ABCC2: variants seen among roughly 807,000 people sequenced by gnomAD.
ABCC2 encodes the protein ATP-binding cassette sub-family C member 2.
ABCC2 carries 157 observed loss-of-function variants against 173.4 expected under a neutral mutation model. The ratio of observed to expected loss-of-function variants is 0.91; its 90% CI spans 0.80 to 1.03. ABCC2 has a LOEUF of 1.03. Ranked by LOEUF, ABCC2 falls within the 50% of genes least tolerant of loss-of-function variation. The pLI, the probability that ABCC2 is intolerant of heterozygous loss-of-function variation, is 0.00. For synonymous variants in ABCC2, 657 were observed against 693.5 expected (o/e 0.95, Z 0.83); for missense variants, 1,822 against 1,852.3 (o/e 0.98, Z 0.30).
chr10:99,846,957 G>C lies in ABCC2; in HGVS notation c.4147-4G>C. On this transcript the variant is annotated splice_region_variant and splice_polypyrimidine_tract_variant and intron_variant, in intron 29 of 31. Coordinates refer to ENST00000647814, the MANE Select transcript of ABCC2 (RefSeq NM_000392.5). ...CAACAGCCCCCTTGTCCTTTCACTT[G>C]CAGGACCCCATCCTGTTCTCTGGAA... 6.2e-7 allele frequency: 1 copy of C among 1,614,068 alleles called. No homozygotes were observed. The highest frequency in any genetic ancestry group is 8.5e-7 in the Non-Finnish European group (1 of 1,179,990).
intron 19 of ABCC2, among the ~76,000 whole-genome samples, chr10:99,820,200 T>A (rs1488155183): frequency 1.3e-5 from 2 of 152,088 alleles, no homozygotes; most frequent in Non-Finnish European, 2.9e-5. Flanking sequence ...GAGGCCAGCC[T>A]GACCAACATG....
intron 25 of ABCC2, among the ~76,000 whole-genome samples, chr10:99,840,771 T>C (rs1222310804): frequency 6.6e-6 from 1 of 152,230 alleles, no homozygotes; most frequent in Non-Finnish European, 1.5e-5. Context: ...CGCCTCAGCC[T>C]CCCAAAGCGC....
chr10:99,849,400 A>G (rs902845641), intron 30 of ABCC2, among the ~76,000 whole-genome samples: 1 of 152,180 alleles, frequency 6.6e-6, no homozygotes, highest in African/African-American at 2.4e-5. Context: ...GGTAGGGTAC[A>G]ATGGGAGGCC....
chr10:99,847,993 TACACA>T (rs1380098727), intron 30 of ABCC2, among the ~76,000 whole-genome samples: 3 of 152,220 alleles, frequency 2.0e-5, no homozygotes, highest in Non-Finnish European at 4.4e-5. Flanking sequence ...AATGTGAGCT[TACACA>T]TCCCACAGAA....
At chr10:99,827,578 T>C (rs937743821) in intron 19 of ABCC2, among the ~76,000 whole-genome samples, 2 of 152,212 alleles carry the variant, frequency 1.3e-5, no homozygotes, top group East Asian at 3.9e-4. Context: ...TTCCATACTA[T>C]AAGTGGAATG....
chr10:99,825,986 G>A lies in ABCC2; in HGVS notation c.2621-4321G>A, dbSNP rs1487294687. 4.9e-4 allele frequency among the ~76,000 whole-genome samples: 75 copies of A among 152,222 alleles called. 2 individuals are homozygous for A. The highest frequency in any genetic ancestry group is 1.5e-5 in the Non-Finnish European group (1 of 68,016). On this transcript the variant is annotated intron_variant, in intron 19 of 31. Transcript: ENST00000647814. ...GTGGGGCCTGAGGCTGGCCCCTTTG[G>A]TCGTTTCCCGACAATGGTTGCCCAT...
In ABCC2 at chr10:99,831,819, G is replaced by A; in HGVS notation, c.3092G>A (p.Gly1031Glu). Residue 1031 changes from glycine to glutamate, a missense_variant, in exon 22 of 32, where the codon GGA becomes GAA. Coordinates refer to ENST00000647814, the MANE Select transcript of ABCC2 (RefSeq NM_000392.5). ...DMRVGVYGALGLAQGIFVFIA... is the reference protein window; with the variant it reads ...DMRVGVYGALELAQGIFVFIA... ...AGAGTTGGAGTCTACGGAGCTCTGG[G>A]ATTAGCCCAAGGTATGTCTGATGGC... 2 of 1,614,166 alleles carry A rather than the reference G, an allele frequency of 1.2e-6. No individual in the cohort carries two copies. The highest frequency in any genetic ancestry group is 1.7e-6 in the Non-Finnish European group (2 of 1,180,022).
chr10:99,817,591 T>C, intron 17 of ABCC2, 107 bp downstream of exon 17: 2 of 1,244,020 alleles, frequency 1.6e-6, no homozygotes, highest in Admixed American at 3.8e-5. Flanking sequence ...TTAATTTAGG[T>C]AGTCATATTT....
At position 99,793,801 on chromosome 10, in the gene ABCC2, A is replaced by G. The variant is rs2037848877; in HGVS notation, c.469-91A>G. 7 of 1,568,864 alleles carry G rather than the reference A, an allele frequency of 4.5e-6. No individual in the cohort carries two copies. The East Asian group carries it at 1.6e-4, about 35-fold the overall frequency. ...AATTGTATTAGAGGGATTTGATCAT[A>G]GGCTTTAATCACAAGCATTGATATA... On this transcript the variant is annotated intron_variant, in intron 4 of 31. Coordinates refer to ENST00000647814, the MANE Select transcript of ABCC2 (RefSeq NM_000392.5).
At chr10:99,809,854 T>C (rs1438390164) in intron 13 of ABCC2, among the ~76,000 whole-genome samples, 1 of 152,200 alleles carries the variant, frequency 6.6e-6, no homozygotes, top group Non-Finnish European at 1.5e-5. Flanking sequence ...TAGAAGTTAA[T>C]TTTTTGTCTT....
At chr10:99,784,499 T>C (rs1184340958) in intron 1 of ABCC2, 109 bp from the exon 2 acceptor site, 1 of 1,157,204 alleles carries the variant, frequency 8.6e-7, no homozygotes, top group Non-Finnish European at 1.3e-6. Flanking sequence ...AGGCTGGATA[T>C]GGATATGGAG....
At position 99,834,289 on chromosome 10, in the gene ABCC2, A is replaced by G. The variant is rs2038784118; in HGVS notation, c.3259-91A>G. Reference sequence around the variant, plus strand: ...ATGAAGGAGTACTGGGAACACACAGAATCCAACAGATTCCTTGCTAGAACT... The same window carrying G: ...ATGAAGGAGTACTGGGAACACACAGGATCCAACAGATTCCTTGCTAGAACT... On this transcript the variant is annotated intron_variant, in intron 23 of 31. Coordinates refer to ENST00000647814, the MANE Select transcript of ABCC2 (RefSeq NM_000392.5). 5.2e-6 allele frequency: 7 copies of G among 1,337,404 alleles called. No homozygotes were observed. The South Asian group carries it at 8.5e-5, about 16-fold the overall frequency. The allele number at this position is 1,337,404 out of a possible 1,614,324, so 82.8% of individuals were successfully genotyped here. A position where few individuals can be genotyped will look rare whatever the true frequency, so the allele number is the denominator to read the frequency against.
rs1408777592 is a variant in ABCC2 at position 99,830,774 on chromosome 10, G to A, written c.2806G>A (p.Val936Met). ...GAGAAACTCCTTGAAAACTCGGAATGTGAATAGCCTGAAGGAAGACGAAGA... is the reference window on the plus strand; with the variant it reads ...GAGAAACTCCTTGAAAACTCGGAATATGAATAGCCTGAAGGAAGACGAAGA... Reference protein sequence around the residue: ...SLRNSLKTRNVNSLKEDEELV... With the variant: ...SLRNSLKTRNMNSLKEDEELV... Residue 936 changes from valine to methionine, a missense_variant, in exon 21 of 32, where the codon GTG becomes ATG. Transcript: ENST00000647814. 4 of 1,614,114 alleles carry A rather than the reference G, an allele frequency of 2.5e-6. No individual in the cohort carries two copies. Among genetic ancestry groups the A allele is most frequent in the Non-Finnish European group, 3.4e-6 (4 of 1,180,020 alleles).
intron 1 of ABCC2, 52 bp downstream of exon 1, chr10:99,782,929 T>C (rs760538387): frequency 6.3e-7 from 1 of 1,592,270 alleles, no homozygotes; most frequent in Non-Finnish European, 8.6e-7. Context: ...TCAGAACAAG[T>C]GGTAGTTAGT....
At chr10:99,846,293 G>A (rs1202961092) in intron 29 of ABCC2, among the ~76,000 whole-genome samples, 1 of 152,194 alleles carries the variant, frequency 6.6e-6, no homozygotes, top group East Asian at 1.9e-4. Flanking sequence ...TCCCCGCAGC[G>A]GCTCCTCAGG....
At chr10:99,822,783 CTAAT>C (rs2038560169) in intron 19 of ABCC2, among the ~76,000 whole-genome samples, 1 of 152,180 alleles carries the variant, frequency 6.6e-6, no homozygotes, top group African/African-American at 2.4e-5. Flanking sequence ...TTTTGTTTAA[CTAAT>C]TGAGTTTTGA....
At chr10:99,843,678 T>G (rs1443162798) in intron 26 of ABCC2, 121 bp from the exon 27 acceptor site, 7 of 845,732 alleles carry the variant, frequency 8.3e-6, no homozygotes, top group Non-Finnish European at 1.0e-5. Flanking sequence ...TTTTCCTTAC[T>G]CCCTTGTAGA....
chr10:99,785,424 G>T (rs1043399107), intron 2 of ABCC2, among the ~76,000 whole-genome samples: 6 of 152,102 alleles, frequency 3.9e-5, no homozygotes, highest in Non-Finnish European at 8.8e-5. Flanking sequence ...GGTCTTGTGG[G>T]AACCCAAGAC....
chr10:99,836,329 T>C lies in ABCC2; in HGVS notation c.3614+39T>C, dbSNP rs779723231. On this transcript the variant is annotated intron_variant, in intron 25 of 31. Coordinates refer to ENST00000647814, the MANE Select transcript of ABCC2 (RefSeq NM_000392.5). ...TGGGTATTTACCCATGTGTGTACTT[T>C]GGGGTTCTATATGTTTGATATTAGC... 3 of 1,608,690 alleles carry C rather than the reference T, an allele frequency of 1.9e-6. No individual in the cohort carries two copies. In the African/African-American group the frequency reaches 4.0e-5, roughly 22 times the overall value.
Sources: gnomAD v4.1 joint callset for allele counts (sites outside exome capture counted in the v4.1 genomes callset) on GRCh38, gnomAD v4.1.1 for gene constraint, MANE v1.5 for transcripts, NCBI Gene and HGNC (gene_info 2026-07-23, HGNC 2026-07-21) for gene names.